The following TBC1D22A variants were observed in gnomAD, a reference collection of about 807,000 sequenced individuals.
The protein encoded by TBC1D22A is putative GTPase activator.
Under a neutral mutation model 60.2 loss-of-function variants are expected in TBC1D22A, and 38 were observed. The ratio of observed to expected loss-of-function variants is 0.63; its 90% confidence interval spans 0.49 to 0.83. The LOEUF (loss-of-function observed/expected upper bound fraction) is 0.83, where lower values mean the gene tolerates loss of function less well. Among genes scored for constraint, TBC1D22A ranks in the 40% least tolerant of loss-of-function variants. The probability of loss-of-function intolerance (pLI) is 0.00; values close to 1 mark genes in which losing one functional copy is unlikely to be tolerated. For synonymous variants in TBC1D22A, 302 were observed against 281.7 expected (o/e 1.07, Z -0.72); for missense variants, 628 against 701.0 (o/e 0.90, Z 1.18).
chr22:47,070,467 G>T (rs984548999), intron 11 of TBC1D22A, among the ~76,000 whole-genome samples: 11 of 142,736 alleles, frequency 7.7e-5, no homozygotes, highest in African/African-American at 2.5e-4. Context: ...GGTTGGAGCG[G>T]AGCTGACCTG....
intron 11 of TBC1D22A, among the ~76,000 whole-genome samples, chr22:47,062,803 C>G (rs1569407857): frequency 6.6e-6 from 1 of 152,098 alleles, no homozygotes; most frequent in Non-Finnish European, 1.5e-5. Context: ...CCAGATGAAC[C>G]TGCAGGCTGC....
At chr22:46,900,378 C>A (rs554888293) in intron 7 of TBC1D22A, among the ~76,000 whole-genome samples, 3 of 152,138 alleles carry the variant, frequency 2.0e-5, no homozygotes, top group Non-Finnish European at 4.4e-5. Context: ...TCTTGAACTC[C>A]TGACCTGGAG....
intron 1 of TBC1D22A, among the ~76,000 whole-genome samples, chr22:46,782,720 G>A (rs1185475831): frequency 6.6e-6 from 1 of 152,108 alleles, no homozygotes; most frequent in South Asian, 2.1e-4. Flanking sequence ...GTTGTATGTC[G>A]GTGGAATCAT....
chr22:46,913,211 A>G, intron 8 of TBC1D22A: 1 of 584,410 alleles, frequency 1.7e-6, no homozygotes, highest in South Asian at 1.9e-5. Flanking sequence ...TATGGATAAA[A>G]CATAAATAGG....
chr22:46,816,574 G>T (rs2085610569), intron 4 of TBC1D22A, among the ~76,000 whole-genome samples: 1 of 152,248 alleles, frequency 6.6e-6, no homozygotes, highest in South Asian at 2.1e-4. Flanking sequence ...GGCACATTGT[G>T]TGTGAGGCTC....
chr22:47,148,602 C>T (rs1263670127), intron 12 of TBC1D22A, among the ~76,000 whole-genome samples: 1 of 149,966 alleles, frequency 6.7e-6, no homozygotes, highest in Non-Finnish European at 1.5e-5. Context: ...TCTCCTGGGG[C>T]CCTTCTCCCA....
In TBC1D22A at chr22:47,059,062, T is replaced by C. The variant is rs186028762; in HGVS notation, c.1329+21864T>C. Among the ~76,000 whole-genome samples, 25 of 152,354 alleles carry C rather than the reference T, an allele frequency of 1.6e-4. No homozygotes were observed. The East Asian group carries it at 4.8e-3, about 29-fold the overall frequency. On this transcript the variant is annotated intron_variant, in intron 11 of 12. Coordinates refer to ENST00000337137, the MANE Select transcript of TBC1D22A (RefSeq NM_014346.5). ...GGCACTCCACACACCCCTGTCATCC[T>C]GAGAGCTGCTGCGTTCAGTAAGCGT...
intron 9 of TBC1D22A, among the ~76,000 whole-genome samples, chr22:46,987,756 G>T (rs1007249110): frequency 6.6e-6 from 1 of 152,206 alleles, no homozygotes; most frequent in African/African-American, 2.4e-5. Flanking sequence ...GATCAGGGTG[G>T]TGGTTGCCGA....
rs115721685 is a variant in TBC1D22A, at chr22:46,843,590, G to T, written c.638-35063G>T. Among the ~76,000 whole-genome samples the T allele has an allele frequency of 9.0e-3, 1,362 of 152,128 alleles. 18 individuals carry two copies. Among genetic ancestry groups the T allele is most frequent in the African/African-American group, 0.031 (1,304 of 41,402 alleles). ...CATCCAGCAAGTTGGGGCTGGGAGT[G>T]GGTATCACGCGTTCTGTAGATGACG... On this transcript the variant is annotated intron_variant, in intron 4 of 12. Coordinates refer to ENST00000337137, the MANE Select transcript of TBC1D22A (RefSeq NM_014346.5).
intron 10 of TBC1D22A, among the ~76,000 whole-genome samples, chr22:47,013,248 G>A (rs2061809839): frequency 6.6e-6 from 1 of 152,082 alleles, no homozygotes; most frequent in African/African-American, 2.4e-5. Flanking sequence ...CCAGGAAGTG[G>A]TGGTGACCAT....
chr22:46,870,882 A>G (rs554530735), intron 4 of TBC1D22A, among the ~76,000 whole-genome samples: 156 of 152,286 alleles, frequency 1.0e-3, no homozygotes, highest in African/African-American at 3.6e-3. Context: ...ACCTTCCCAC[A>G]AGGCCACCTC....
intron 8 of TBC1D22A, among the ~76,000 whole-genome samples, chr22:46,925,299 G>T (rs2070986635): frequency 6.6e-6 from 1 of 152,214 alleles, no homozygotes; most frequent in African/African-American, 2.4e-5. Flanking sequence ...TCTGAGCGTA[G>T]CACATTTTCT....
intron 7 of TBC1D22A, among the ~76,000 whole-genome samples, chr22:46,911,700 T>C (rs536239906): frequency 5.3e-5 from 8 of 152,240 alleles, no homozygotes; most frequent in Non-Finnish European, 1.2e-4. Context: ...GGTGGATCAC[T>C]TGAGGTCAGG....
rs562459031 is a variant in TBC1D22A at position 46,965,364 on chromosome 22, C to T, written c.1016-8926C>T. On this transcript the variant is annotated intron_variant, in intron 8 of 12. Transcript: ENST00000337137. ...TCTTGTTGCCGACTCCCCTGCCAGA[C>T]GGTGAGCCATGGATGTGCAGGGCCT... Among the ~76,000 whole-genome samples, 243 of 152,330 alleles carry T rather than the reference C, an allele frequency of 1.6e-3. 2 individuals are homozygous for T. The highest frequency in any genetic ancestry group is 7.9e-4 in the Non-Finnish European group (54 of 68,032).
intron 8 of TBC1D22A, among the ~76,000 whole-genome samples, chr22:46,935,371 CA>C (rs908225095): frequency 1.3e-5 from 2 of 152,096 alleles, no homozygotes; most frequent in African/African-American, 2.4e-5. Context: ...AAAAGTGAGT[CA>C]AAAAAATTAT....
intron 8 of TBC1D22A, among the ~76,000 whole-genome samples, chr22:46,941,762 T>TAC (rs1195525145): frequency 1.4e-5 from 2 of 142,448 alleles, no homozygotes; most frequent in East Asian, 4.0e-4. Context: ...AATATATATA[T>TAC]ACGGAATATG....
chr22:47,035,853 G>A lies in TBC1D22A; in HGVS notation c.1202-1218G>A, dbSNP rs137925151. On this transcript the variant is annotated intron_variant, in intron 10 of 12. Coordinates refer to ENST00000337137, the MANE Select transcript of TBC1D22A (RefSeq NM_014346.5). ...CATGTCTTAGTAGAGCTCCTGGTCC[G>A]TCAGGTGGACGGCATTGCAGGATGG... is the stretch of plus-strand genomic sequence containing the variant. Among the ~76,000 whole-genome samples the A allele has an allele frequency of 3.4e-3, 524 of 152,308 alleles. 7 individuals carry two copies. The Middle Eastern group carries it at 0.044, about 13-fold the overall frequency.
rs769876574 is a variant in TBC1D22A, at chr22:47,009,121, G to T, written c.1201+11412G>T. On this transcript the variant is annotated intron_variant, in intron 10 of 12. Coordinates refer to ENST00000337137, the MANE Select transcript of TBC1D22A (RefSeq NM_014346.5). This position sits in a 1 kb window ranked among gnomAD's most constrained non-coding sequence, Gnocchi z 5.8. ...TATACTGGAGGATTGGCTTTGTGAG[G>T]AATGTCCCCACTCTAGCCCTTGTTT... is the stretch of plus-strand genomic sequence containing the variant. Among the ~76,000 whole-genome samples, 12 of 152,184 alleles carry T rather than the reference G, an allele frequency of 7.9e-5. No homozygotes were observed. Among genetic ancestry groups the T allele is most frequent in the Non-Finnish European group, 1.3e-4 (9 of 68,044 alleles).
At chr22:47,031,682 G>C (rs1221020360) in intron 10 of TBC1D22A, among the ~76,000 whole-genome samples, 2 of 152,188 alleles carry the variant, frequency 1.3e-5, no homozygotes, top group Non-Finnish European at 2.9e-5. Context: ...TGGCTCGCCT[G>C]CCTCCTTGTG....
Sources: gnomAD v4.1 joint callset for allele counts (sites outside exome capture counted in the v4.1 genomes callset) on GRCh38, gnomAD v4.1.1 for gene constraint, Gnocchi (gnomAD v3.1) non-coding constraint, MANE v1.5 for transcripts, NCBI Gene and HGNC (gene_info 2026-07-23, HGNC 2026-07-21) for gene names.